Variants in KCNH7 observed in about 807,000 individuals in gnomAD.
KCNH7 encodes voltage-gated inwardly rectifying potassium channel KCNH7.
Under a neutral mutation model 120.8 loss-of-function variants are expected in KCNH7, and 49 were observed. The ratio of observed to expected loss-of-function variants is 0.41; its 90% CI spans 0.32 to 0.51. The LOEUF is 0.51. KCNH7 is among the 20% of genes least tolerant of loss of function. The pLI is 0.38. For synonymous variants in KCNH7, 547 were observed against 516.1 expected, an observed-to-expected ratio of 1.06 and a Z score of -0.81; for missense variants, 1,097 against 1,446.6, an observed-to-expected ratio of 0.76 and a Z score of 3.92.
At chr2:162,491,671 G>T (rs1690313288) in intron 6 of KCNH7, among the ~76,000 whole-genome samples, 1 of 152,168 alleles carries the variant, frequency 6.6e-6, no homozygotes, top group Non-Finnish European at 1.5e-5. Context: ...TTCATGGGTG[G>T]CACCCTGCCG....
intron 2 of KCNH7, among the ~76,000 whole-genome samples, chr2:162,812,057 C>T (rs1042257494): frequency 3.3e-5 from 5 of 151,666 alleles, no homozygotes; most frequent in African/African-American, 4.8e-5. Context: ...GTACAGCACA[C>T]GTGTGTGTGT....
chr2:162,419,168 C>T (rs1410038869), intron 9 of KCNH7, among the ~76,000 whole-genome samples: 1 of 151,250 alleles, frequency 6.6e-6, no homozygotes, highest in Non-Finnish European at 1.5e-5. Flanking sequence ...GAAAAACTTA[C>T]CTATCCCCTA....
At chr2:162,715,246 G>C (rs1687071252) in intron 2 of KCNH7, among the ~76,000 whole-genome samples, 1 of 152,116 alleles carries the variant, frequency 6.6e-6, no homozygotes, top group African/African-American at 2.4e-5. Flanking sequence ...AAGTGAAGTG[G>C]GAATAGGCAT....
intron 2 of KCNH7, among the ~76,000 whole-genome samples, chr2:162,606,743 T>A (rs16846984): frequency 1.3e-5 from 2 of 152,298 alleles, no homozygotes; most frequent in Admixed American, 1.3e-4. Context: ...AAACAAAATA[T>A]CTTGAGAAGA....
At chr2:162,611,982 G>A (rs777224301) in intron 2 of KCNH7, among the ~76,000 whole-genome samples, 4 of 152,140 alleles carry the variant, frequency 2.6e-5, no homozygotes, top group African/African-American at 9.7e-5. Flanking sequence ...GGAATAGTCC[G>A]GATCACACAG....
At chr2:162,663,168 T>C (rs1259800345) in intron 2 of KCNH7, among the ~76,000 whole-genome samples, 3 of 152,222 alleles carry the variant, frequency 2.0e-5, no homozygotes, top group East Asian at 1.9e-4. Context: ...AATTGCATTA[T>C]TGTGAAGTGA....
chr2:162,432,707 C>T (rs1688110586), intron 8 of KCNH7, among the ~76,000 whole-genome samples: 1 of 151,926 alleles, frequency 6.6e-6, no homozygotes, highest in Non-Finnish European at 1.5e-5. Flanking sequence ...CAGCCAATAT[C>T]ATGAATGGGA....
intron 2 of KCNH7, among the ~76,000 whole-genome samples, chr2:162,597,004 C>T (rs754244368): frequency 9.9e-5 from 15 of 152,106 alleles, no homozygotes; most frequent in Non-Finnish European, 2.2e-4. Flanking sequence ...AAAGATATAT[C>T]ACTTCACACT....
At chr2:162,520,757 A>C (rs1691495126) in intron 3 of KCNH7, among the ~76,000 whole-genome samples, 1 of 151,884 alleles carries the variant, frequency 6.6e-6, no homozygotes, top group Non-Finnish European at 1.5e-5. Context: ...TGACAGAGAG[A>C]GACCCTATCT....
chr2:162,441,988 AGTT>A (rs1346691071), intron 7 of KCNH7, among the ~76,000 whole-genome samples: 1 of 105,068 alleles, frequency 9.5e-6, no homozygotes, highest in Non-Finnish European at 2.0e-5. Flanking sequence ...AAAATTAAAT[AGTT>A]AGGTCTTCTT....
chr2:162,775,200 T>TAA (rs999012565), intron 2 of KCNH7, among the ~76,000 whole-genome samples: 3 of 151,712 alleles, frequency 2.0e-5, no homozygotes, highest in Non-Finnish European at 4.4e-5. Context: ...ACTAGTTTAG[T>TAA]AAAAAAAAAT....
chr2:162,689,520 C>T (rs1247351255), intron 2 of KCNH7, among the ~76,000 whole-genome samples: 2 of 152,114 alleles, frequency 1.3e-5, no homozygotes, highest in East Asian at 3.9e-4. Context: ...AATATGTTTT[C>T]TGCTGAAAAA....
At chr2:162,453,679 A>AT (rs1222557362) in intron 6 of KCNH7, among the ~76,000 whole-genome samples, 1 of 152,152 alleles carries the variant, frequency 6.6e-6, no homozygotes, top group Non-Finnish European at 1.5e-5. Context: ...ATGGTATCTC[A>AT]CTGTGGTTTT....
intron 2 of KCNH7, among the ~76,000 whole-genome samples, chr2:162,569,280 T>G (rs968061879): frequency 1.1e-4 from 16 of 151,978 alleles, no homozygotes; most frequent in African/African-American, 3.4e-4. Flanking sequence ...GTGGAGGAAT[T>G]TATCCATTTC....
chr2:162,379,646 T>C (rs1573891611), intron 14 of KCNH7, among the ~76,000 whole-genome samples: 1 of 152,074 alleles, frequency 6.6e-6, no homozygotes, highest in Admixed American at 6.6e-5. Flanking sequence ...AAAAATAGGA[T>C]TTTTGCTGCC....
chr2:162,495,433 A>G (rs979840401), intron 6 of KCNH7, among the ~76,000 whole-genome samples: 1 of 152,160 alleles, frequency 6.6e-6, no homozygotes, highest in African/African-American at 2.4e-5. Flanking sequence ...TGGCTGGGCT[A>G]GGCTTTAAAA....
rs947471018 is a variant in KCNH7 at position 162,486,814 on chromosome 2, G to C, written c.1128+17629C>G. Among the ~76,000 whole-genome samples the C allele has an allele frequency of 1.4e-4, 21 of 152,002 alleles. 1 individual carries two copies. Among genetic ancestry groups the C allele is most frequent in the African/African-American group, 4.3e-4 (18 of 41,410 alleles). ...CAACAAACAAACATAATTAAAAATGGGTTCTGTCATGAAAAAAGTTTGAGA... is the reference window on the plus strand; with the variant it reads ...CAACAAACAAACATAATTAAAAATGCGTTCTGTCATGAAAAAAGTTTGAGA... On this transcript the variant is annotated intron_variant, in intron 6 of 15. Coordinates refer to ENST00000332142, the MANE Select transcript of KCNH7 (RefSeq NM_033272.4).
intron 2 of KCNH7, among the ~76,000 whole-genome samples, chr2:162,700,052 C>T (rs34451875): frequency 0.023 from 3,436 of 152,152 alleles, 73 homozygotes; most frequent in East Asian, 0.12. Context: ...CTCTGTAGCA[C>T]GATTCCAGAA....
chr2:162,551,040 G>T (rs969477313), intron 2 of KCNH7, among the ~76,000 whole-genome samples: 1 of 152,032 alleles, frequency 6.6e-6, no homozygotes, highest in African/African-American at 2.4e-5. Flanking sequence ...CTTCAAGGAG[G>T]ATAAAATATA....
Sources: gnomAD v4.1 joint callset for allele counts (sites outside exome capture counted in the v4.1 genomes callset) on GRCh38, gnomAD v4.1.1 for gene constraint, MANE v1.5 for transcripts, NCBI Gene and HGNC (gene_info 2026-07-23, HGNC 2026-07-21) for gene names.